KIAA0232: variants seen among roughly 807,000 people sequenced by gnomAD.
The protein encoded by KIAA0232 is uncharacterized protein KIAA0232.
Under a neutral mutation model 122.0 loss-of-function variants are expected in KIAA0232, and 27 were observed. The ratio of observed to expected loss-of-function variants is 0.22; its 90% CI spans 0.16 to 0.31. The LOEUF is 0.31. Ranked by LOEUF, KIAA0232 falls within the 10% of genes least tolerant of loss-of-function variation. KIAA0232 has a pLI of 1.00. For missense variants in KIAA0232, 1,551 were observed against 1,634.2 expected, an observed-to-expected ratio of 0.95 and a Z score of 0.88; for synonymous variants, 613 against 587.6, an observed-to-expected ratio of 1.04 and a Z score of -0.63.
intron 6 of KIAA0232, among the ~76,000 whole-genome samples, chr4:6,859,561 G>A (rs1449586081): frequency 6.6e-6 from 1 of 152,194 alleles, no homozygotes; most frequent in East Asian, 1.9e-4. Context: ...AATATCAGGA[G>A]TTTAGTTAAA....
chr4:6,836,724 C>G (rs894875440), intron 3 of KIAA0232, among the ~76,000 whole-genome samples: 2 of 151,898 alleles, frequency 1.3e-5, no homozygotes, highest in African/African-American at 2.4e-5. Context: ...TCCCTGAGTA[C>G]GTGAGATTAG....
intron 1 of KIAA0232, among the ~76,000 whole-genome samples, chr4:6,786,613 G>C (rs1716631080): frequency 6.6e-6 from 1 of 152,182 alleles, no homozygotes; most frequent in African/African-American, 2.4e-5. Context: ...AGACCCAGAT[G>C]AAGTATTTTT....
chr4:6,853,086 CCATAATGAAAATTGGGGA>C (rs1005853637), intron 4 of KIAA0232, among the ~76,000 whole-genome samples: 5 of 152,142 alleles, frequency 3.3e-5, no homozygotes, highest in Non-Finnish European at 7.3e-5. Flanking sequence ...GCATGAGACA[CCATAATGAAAATTGGGGA>C]CTGACTGATT....
chr4:6,856,904 C>A (rs1416627761), intron 4 of KIAA0232, among the ~76,000 whole-genome samples: 1 of 152,164 alleles, frequency 6.6e-6, no homozygotes, highest in African/African-American at 2.4e-5. Flanking sequence ...AAAACAGAAG[C>A]TATTCTGGGA....
At chr4:6,867,670 C>G (rs1721256321) in intron 7 of KIAA0232, among the ~76,000 whole-genome samples, 1 of 152,172 alleles carries the variant, frequency 6.6e-6, no homozygotes, top group South Asian at 2.1e-4. Flanking sequence ...GACAGGAAGG[C>G]TCTGATGAGT....
intron 4 of KIAA0232, among the ~76,000 whole-genome samples, chr4:6,846,520 A>G (rs1386112140): frequency 2.0e-5 from 3 of 151,982 alleles, no homozygotes; most frequent in African/African-American, 7.3e-5. Context: ...CTAATGTCTG[A>G]GGTGGAAGTT....
Position 6,862,966 on chromosome 4 carries a change from C to T in KIAA0232, c.2584C>T (p.Leu862=). 1 of 1,614,208 alleles carries T rather than the reference C, an allele frequency of 6.2e-7. No individual in the cohort carries two copies. The highest frequency in any genetic ancestry group is 8.5e-7 in the Non-Finnish European group (1 of 1,180,034). The change falls in exon 7 of 10, where the codon CTA becomes TTA. Residue 862 remains leucine, a synonymous_variant. Transcript: ENST00000307659. ...AGATGTAAATAACTACTGCTGCTGT[C>T]TAGATGCTGAAGCTGAACTGGAGAC... ...SADVNNYCCC[L]DAEAELETLQ...
chr4:6,807,044 A>G lies in KIAA0232; in HGVS notation c.-270+2438A>G, dbSNP rs904797399. 1.5e-3 allele frequency among the ~76,000 whole-genome samples: 209 copies of G among 143,188 alleles called. 1 individual carries two copies. The highest frequency in any genetic ancestry group is 4.0e-3 in the South Asian group (17 of 4,302). The allele number at this position is 143,188 out of a possible 152,430, so 93.9% of individuals were successfully genotyped here. On this transcript the variant is annotated intron_variant, in intron 2 of 9. Transcript: ENST00000307659. The stretch of plus-strand genomic sequence containing the variant: ...TGTCTGTCTGTCTGTCTATCTATCT[A>G]TCTATCTATCTATCTATCTATCTAT...
intron 1 of KIAA0232, among the ~76,000 whole-genome samples, chr4:6,804,275 G>C (rs562718332): frequency 6.6e-6 from 1 of 152,252 alleles, no homozygotes; most frequent in South Asian, 2.1e-4. Flanking sequence ...CCAGCCCCTG[G>C]AGTGCTCCCT....
At chr4:6,856,942 A>G (rs1371026447) in intron 4 of KIAA0232, among the ~76,000 whole-genome samples, 4 of 152,214 alleles carry the variant, frequency 2.6e-5, no homozygotes, top group African/African-American at 9.6e-5. Flanking sequence ...ACATTTTATC[A>G]CTAAGTTTCA....
chr4:6,849,660 TC>T (rs1720167879), intron 4 of KIAA0232, among the ~76,000 whole-genome samples: 1 of 151,794 alleles, frequency 6.6e-6, no homozygotes, highest in African/African-American at 2.4e-5. Context: ...ATGCCTGTAG[TC>T]CCAGCTACTC....
intron 2 of KIAA0232, among the ~76,000 whole-genome samples, chr4:6,820,240 CT>C (rs1193428300): frequency 2.3e-4 from 35 of 152,222 alleles, no homozygotes; most frequent in Admixed American, 2.2e-3. Context: ...CACGTACCCC[CT>C]GAATCTAAAA....
intron 1 of KIAA0232, among the ~76,000 whole-genome samples, chr4:6,790,206 C>T (rs2108867760): frequency 6.6e-6 from 1 of 152,224 alleles, no homozygotes; most frequent in South Asian, 2.1e-4. Flanking sequence ...CTGACATCTT[C>T]CCTAAGTGCT....
chr4:6,866,363 G>GT (rs1302057488), intron 7 of KIAA0232: 1 of 254,482 alleles, frequency 3.9e-6, no homozygotes, highest in East Asian at 1.8e-4. Flanking sequence ...TTGTCTGATA[G>GT]TTTAGATGTT....
chr4:6,870,853 C>A (rs1390547910), intron 7 of KIAA0232, among the ~76,000 whole-genome samples: 4 of 151,482 alleles, frequency 2.6e-5, no homozygotes, highest in Non-Finnish European at 5.9e-5. Context: ...CTTTTACTTA[C>A]TTCTGCCTGA....
intron 1 of KIAA0232, among the ~76,000 whole-genome samples, chr4:6,801,103 C>CTA (rs1717366185): frequency 6.6e-6 from 1 of 152,180 alleles, no homozygotes; most frequent in Non-Finnish European, 1.5e-5. Context: ...TTCCCCAAAT[C>CTA]TTGATGTGTT....
At chr4:6,826,555 A>G (rs1183881182) in intron 3 of KIAA0232, among the ~76,000 whole-genome samples, 5 of 134,084 alleles carry the variant, frequency 3.7e-5, no homozygotes, top group Non-Finnish European at 6.1e-5. Flanking sequence ...CCCAGGCTGG[A>G]GTGCAGTGGC....
chr4:6,826,419 C>G (rs1016138894), intron 3 of KIAA0232, among the ~76,000 whole-genome samples: 1 of 151,744 alleles, frequency 6.6e-6, no homozygotes, highest in African/African-American at 2.4e-5. Flanking sequence ...CATAGAAGGA[C>G]TTTAATTTCC....
rs999392052 is a variant in KIAA0232, at chr4:6,831,290, G to A, written c.231+6606G>A. On this transcript the variant is annotated intron_variant, in intron 3 of 9. Coordinates refer to ENST00000307659, the MANE Select transcript of KIAA0232 (RefSeq NM_014743.3). ...AGGCTGGTCTCGAAGTCTTGACCTC[G>A]TGATCCGCCCGCCTCGGCCTCCCAA... Among the ~76,000 whole-genome samples the A allele has an allele frequency of 3.3e-5, 5 of 152,052 alleles. No individual in the cohort carries two copies. In the South Asian group the frequency reaches 6.2e-4, roughly 19 times the overall value.
Sources: gnomAD v4.1 joint callset for allele counts (sites outside exome capture counted in the v4.1 genomes callset) on GRCh38, gnomAD v4.1.1 for gene constraint, MANE v1.5 for transcripts, NCBI Gene and HGNC (gene_info 2026-07-23, HGNC 2026-07-21) for gene names.